The following JMJD1C variants were observed in gnomAD, a reference collection of about 807,000 sequenced individuals.
JMJD1C encodes the protein jumonji domain containing 1C.
In JMJD1C, 31 loss-of-function variants were observed where a neutral mutation model predicts 245.3. That is an observed-to-expected ratio of 0.13 (90% CI 0.09 to 0.17). The LOEUF is 0.17. JMJD1C is among the 10% of genes least tolerant of loss of function. JMJD1C has a pLI of 1.00. For synonymous variants in JMJD1C, 1,057 were observed against 1,017.4 expected, an observed-to-expected ratio of 1.04 and a Z score of -0.74; for missense variants, 2,691 against 3,000.2, an observed-to-expected ratio of 0.90 and a Z score of 2.41.
intron 1 of JMJD1C, among the ~76,000 whole-genome samples, chr10:63,458,328 G>A (rs567401518): frequency 1.3e-5 from 2 of 151,736 alleles, no homozygotes; most frequent in Admixed American, 6.6e-5. Flanking sequence ...TCTACAAAGA[G>A]TAAAAAAAAA....
chr10:63,173,657 G>A (rs1842606133), intron 24 of JMJD1C, among the ~76,000 whole-genome samples: 1 of 152,076 alleles, frequency 6.6e-6, no homozygotes, highest in African/African-American at 2.4e-5. Context: ...AGGAGTTTGA[G>A]ATTACAGTGA....
At chr10:63,513,064 T>C (rs2133289894) in intron 1 of JMJD1C, among the ~76,000 whole-genome samples, 1 of 152,346 alleles carries the variant, frequency 6.6e-6, no homozygotes, top group South Asian at 2.1e-4. Context: ...ACATTATCCA[T>C]CTGTTCTTGC....
intron 2 of JMJD1C, among the ~76,000 whole-genome samples, chr10:63,371,056 T>C (rs1589605179): frequency 3.3e-5 from 5 of 152,034 alleles, no homozygotes; most frequent in African/African-American, 9.7e-5. Context: ...TAGCTCACCA[T>C]AGCCTTGTAC....
At chr10:63,297,529 A>T (rs1232763429) in intron 2 of JMJD1C, among the ~76,000 whole-genome samples, 1 of 152,204 alleles carries the variant, frequency 6.6e-6, no homozygotes, top group East Asian at 1.9e-4. Flanking sequence ...ACCAAATGGC[A>T]GGACTGAAAG....
chr10:63,356,541 A>G (rs191594082), intron 2 of JMJD1C, among the ~76,000 whole-genome samples: 17 of 152,324 alleles, frequency 1.1e-4, no homozygotes, highest in Non-Finnish European at 4.4e-5. Context: ...GATTTAGGAG[A>G]TATTACAATG....
At position 63,208,337 on chromosome 10, in the gene JMJD1C, G is replaced by T; in HGVS notation, c.3332C>A (p.Ser1111Tyr). ...VVNEPPRSYP[S>Y]KEVSNIYGDK... ...ACCGTAAATATTTGAAACTTCTTTG[G>T]ATGGGTATGATCTTGGTGGTTCATT... The change falls in exon 10 of 26, where the codon TCC (serine) becomes TAC (tyrosine). Residue 1111 changes from serine to tyrosine, a missense_variant. Ser to Tyr is a moderately radical substitution (Grantham distance 144). Around this residue, in one of 9 missense-constraint regions of JMJD1C, gnomAD observed 1,562 missense variants for 1,490.7 expected, o/e 1.05. Coordinates refer to ENST00000399262, the MANE Select transcript of JMJD1C (RefSeq NM_032776.3). 1 of 1,614,060 alleles carries T rather than the reference G, an allele frequency of 6.2e-7. No homozygotes were observed. The highest frequency in any genetic ancestry group is 8.5e-7 in the Non-Finnish European group (1 of 1,179,920).
chr10:63,269,215 G>A, intron 2 of JMJD1C: 1 of 985,410 alleles, frequency 1.0e-6, no homozygotes, highest in South Asian at 4.7e-5. Flanking sequence ...ACACCCAAAT[G>A]AGAACGAGTA....
chr10:63,439,828 C>T (rs1221940315), intron 1 of JMJD1C, among the ~76,000 whole-genome samples: 1 of 152,118 alleles, frequency 6.6e-6, no homozygotes, highest in Non-Finnish European at 1.5e-5. Flanking sequence ...TTCTAGTCTA[C>T]AGTTTATTTT....
chr10:63,395,884 A>T (rs932764296), intron 1 of JMJD1C, among the ~76,000 whole-genome samples: 1 of 152,306 alleles, frequency 6.6e-6, no homozygotes, highest in Non-Finnish European at 1.5e-5. Flanking sequence ...ACACCCAAGA[A>T]AAAGACAAGA....
rs59121081 is a variant in JMJD1C at position 63,211,823 on chromosome 10, CAAA to C, written c.2694+1647_2694+1649del. Among the ~76,000 whole-genome samples the C allele has an allele frequency of 3.1e-3, 240 of 77,678 alleles. 1 individual carries two copies. Among genetic ancestry groups the C allele is most frequent in the African/African-American group, 0.011 (197 of 18,660 alleles). 51.0% of individuals were successfully genotyped at this position (77,678 alleles called of 152,430 possible). A position where few individuals can be genotyped will look rare whatever the true frequency, so the allele number is the denominator to read the frequency against. On this transcript the variant is annotated intron_variant, in intron 8 of 25. Transcript: ENST00000399262. Reference sequence around the variant, plus strand: ...TGGGTGACAGAGCAAGACTCTGTCTCAAAAAAAAAAAAAAAAAAAAAAAACCCC... The same window carrying C: ...TGGGTGACAGAGCAAGACTCTGTCTCAAAAAAAAAAAAAAAAAAAAACCCC...
chr10:63,265,495 C>T (rs1589332290), intron 2 of JMJD1C, among the ~76,000 whole-genome samples: 1 of 152,166 alleles, frequency 6.6e-6, no homozygotes, highest in Non-Finnish European at 1.5e-5. Flanking sequence ...GTGGGGATGA[C>T]AGGGACAGAG....
rs1175603968 is a variant in JMJD1C at position 63,177,943 on chromosome 10, G to A, written c.7085-87C>T. The A allele has an allele frequency of 1.8e-5, 25 of 1,370,910 alleles. No homozygotes were observed. In the South Asian group the frequency reaches 2.0e-4, roughly 11 times the overall value. The allele number at this position is 1,370,910 out of a possible 1,614,324, so 84.9% of individuals were successfully genotyped here. A position where few individuals can be genotyped will look rare whatever the true frequency, so the allele number is the denominator to read the frequency against. ...AAAGTTGATCTATCAGAGCAGCAGA[G>A]TGCCTGACTAGGATCAGTACTTTTT... On this transcript the variant is annotated intron_variant, in intron 22 of 25. Coordinates refer to ENST00000399262, the MANE Select transcript of JMJD1C (RefSeq NM_032776.3).
At position 63,508,252 on chromosome 10, in the gene JMJD1C, T is replaced by C. The variant is rs975917494; in HGVS notation, n.113+13486A>G. 1.2e-4 allele frequency among the ~76,000 whole-genome samples: 19 copies of C among 152,196 alleles called. No individual in the cohort carries two copies. In the East Asian group the frequency reaches 3.7e-3, roughly 29 times the overall value. ...TGAAAATATTATATCTTTTTTCCAT[T>C]GTATTGCCTTTATTCCTTTGCCAAC... On this transcript the variant is annotated intron_variant and non_coding_transcript_variant, in intron 1 of 3. Coordinates refer to the JMJD1C transcript ENST00000633035.
intron 2 of JMJD1C, among the ~76,000 whole-genome samples, chr10:63,286,202 C>T (rs917726797): frequency 1.3e-5 from 2 of 152,116 alleles, no homozygotes; most frequent in Non-Finnish European, 2.9e-5. Flanking sequence ...GCTGTAGCTC[C>T]AAAAGAAACA....
chr10:63,379,597 C>T (rs1042495659), intron 2 of JMJD1C, among the ~76,000 whole-genome samples: 5 of 152,064 alleles, frequency 3.3e-5, no homozygotes, highest in African/African-American at 1.2e-4. Context: ...ATTAACAAAC[C>T]AAGAAGAATT....
At chr10:63,504,521 A>C (rs1170423065) in intron 1 of JMJD1C, among the ~76,000 whole-genome samples, 1 of 152,224 alleles carries the variant, frequency 6.6e-6, no homozygotes, top group South Asian at 2.1e-4. Flanking sequence ...TTACAGAAAC[A>C]GAAGAAAGGC....
intron 3 of JMJD1C, among the ~76,000 whole-genome samples, chr10:63,253,052 TG>T (rs1193866803): frequency 3.3e-5 from 5 of 152,244 alleles, no homozygotes; most frequent in Admixed American, 2.0e-4. Context: ...GACATTGATC[TG>T]GTATTTCAGT....
intron 1 of JMJD1C, among the ~76,000 whole-genome samples, chr10:63,495,072 A>C (rs905447110): frequency 6.6e-6 from 1 of 152,124 alleles, no homozygotes; most frequent in African/African-American, 2.4e-5. Flanking sequence ...CTATTCCTCC[A>C]AGTGCTAAGC....
chr10:63,465,194 T>G lies in JMJD1C; in HGVS notation c.168+301A>C, dbSNP rs1953120843. On this transcript the variant is annotated intron_variant, in intron 1 of 25. Coordinates refer to ENST00000399262, the MANE Select transcript of JMJD1C (RefSeq NM_032776.3). ...CGCGGCTCCGCCTTTCGGGGAGGTC[T>G]CCGTGGCCGCCCAGGCGCCACAGCG... 5 of 378,728 alleles carry G rather than the reference T, an allele frequency of 1.3e-5. No homozygotes were observed. In the South Asian group the frequency reaches 2.6e-4, roughly 19 times the overall value. 23.5% of individuals were successfully genotyped at this position (378,728 alleles called of 1,614,324 possible).
Sources: gnomAD v4.1 joint callset for allele counts (sites outside exome capture counted in the v4.1 genomes callset) on GRCh38, gnomAD v4.1.1 for gene constraint, gnomAD v4.1.1 regional missense constraint, MANE v1.5 for transcripts, NCBI Gene and HGNC (gene_info 2026-07-23, HGNC 2026-07-21) for gene names.